Variants in CNTN4 observed in about 807,000 individuals in gnomAD.
CNTN4 encodes contactin-4.
CNTN4 carries 77 observed loss-of-function variants against 122.5 expected under a neutral mutation model. The ratio of observed to expected loss-of-function variants is 0.63; its 90% CI spans 0.52 to 0.76. The LOEUF (loss-of-function observed/expected upper bound fraction) is 0.76, where lower values mean the gene tolerates loss of function less well. CNTN4 is among the 30% of genes least tolerant of loss of function. The probability of loss-of-function intolerance (pLI) is 0.00; values close to 1 mark genes in which losing one functional copy is unlikely to be tolerated. For synonymous variants in CNTN4, 512 were observed against 447.0 expected (o/e 1.15, Z -1.83); for missense variants, 1,256 against 1,259.1 (o/e 1.00, Z 0.04).
chr3:2,815,466 A>T (rs1369441093), intron 6 of CNTN4, among the ~76,000 whole-genome samples: 1 of 152,228 alleles, frequency 6.6e-6, no homozygotes, highest in Non-Finnish European at 1.5e-5. Context: ...GAGGATATGC[A>T]AATAGCCAAA....
intron 4 of CNTN4, among the ~76,000 whole-genome samples, chr3:2,728,304 G>A (rs2088382990): frequency 6.6e-6 from 1 of 152,130 alleles, no homozygotes; most frequent in Admixed American, 6.5e-5. Context: ...CAGTTTTTTA[G>A]CCAAAATGCA....
chr3:2,473,379 A>C (rs1671997374), intron 3 of CNTN4, among the ~76,000 whole-genome samples: 1 of 152,036 alleles, frequency 6.6e-6, no homozygotes, highest in African/African-American at 2.4e-5. Context: ...CTTCTCTACT[A>C]TTCCATACCT....
At position 2,424,372 on chromosome 3, in the gene CNTN4, A is replaced by G. The variant is rs373654295; in HGVS notation, c.-89+85139A>G. ...ACAATGATGGTTTCCAGCTTCATCCATGTTCCTACAAAGGACATGAACTCA... is the reference window on the plus strand; with the variant it reads ...ACAATGATGGTTTCCAGCTTCATCCGTGTTCCTACAAAGGACATGAACTCA... On this transcript the variant is annotated intron_variant, in intron 3 of 24. Transcript: ENST00000418658. Among the ~76,000 whole-genome samples, 7 of 152,058 alleles carry G rather than the reference A, an allele frequency of 4.6e-5. No individual in the cohort carries two copies. The South Asian group carries it at 8.3e-4, about 18-fold the overall frequency.
At chr3:2,976,216 A>C (rs1693400928) in intron 13 of CNTN4, among the ~76,000 whole-genome samples, 1 of 152,206 alleles carries the variant, frequency 6.6e-6, no homozygotes, top group East Asian at 1.9e-4. Flanking sequence ...GATCTTTAAT[A>C]CTCATCCAGC....
intron 4 of CNTN4, among the ~76,000 whole-genome samples, chr3:2,696,033 G>A (rs2086014888): frequency 6.6e-6 from 1 of 152,148 alleles, no homozygotes; most frequent in Admixed American, 6.6e-5. Flanking sequence ...TGCATTATGT[G>A]TATATGTGTG....
chr3:2,330,441 G>C (rs1240090611), intron 2 of CNTN4, among the ~76,000 whole-genome samples: 1 of 152,094 alleles, frequency 6.6e-6, no homozygotes, highest in Non-Finnish European at 1.5e-5. Context: ...AGGAGTCTTG[G>C]GCCACCAGTC....
intron 24 of CNTN4, among the ~76,000 whole-genome samples, chr3:3,054,761 G>C (rs1299537532): frequency 6.6e-6 from 1 of 152,214 alleles, no homozygotes; most frequent in African/African-American, 2.4e-5. Flanking sequence ...TGGAGCTTGA[G>C]AGTGGTGCTG....
At chr3:2,375,972 G>C (rs565916794) in intron 3 of CNTN4, among the ~76,000 whole-genome samples, 14 of 151,858 alleles carry the variant, frequency 9.2e-5, no homozygotes, top group African/African-American at 3.1e-4. Flanking sequence ...CTTAATGGTT[G>C]ATATATTTTT....
chr3:2,992,382 T>A (rs894124772), intron 14 of CNTN4, among the ~76,000 whole-genome samples: 2 of 152,220 alleles, frequency 1.3e-5, no homozygotes, highest in Non-Finnish European at 2.9e-5. Context: ...AACCCTCAAA[T>A]ACTCACAGAA....
chr3:2,496,205 A>G (rs1232027992), intron 3 of CNTN4, among the ~76,000 whole-genome samples: 1 of 152,180 alleles, frequency 6.6e-6, no homozygotes, highest in Non-Finnish European at 1.5e-5. Flanking sequence ...AAATTCTACC[A>G]GTAGGAAAGC....
rs968851659 is a variant in CNTN4 at position 2,247,020 on chromosome 3, C to T, written c.-144-92158C>T. On this transcript the variant is annotated intron_variant, in intron 2 of 24. Coordinates refer to ENST00000418658, the MANE Select transcript of CNTN4 (RefSeq NM_175607.3). ...CTGGAGGAGGTTGGTTAAGTACAAG[C>T]ATAGAATGGGAAATGAATGTGAATG... 4.6e-5 allele frequency among the ~76,000 whole-genome samples: 7 copies of T among 151,956 alleles called. No homozygotes were observed. In the South Asian group the frequency reaches 1.2e-3, roughly 27 times the overall value.
chr3:2,604,750 G>C (rs1017903615), intron 4 of CNTN4, among the ~76,000 whole-genome samples: 6 of 152,064 alleles, frequency 3.9e-5, no homozygotes, highest in Admixed American at 3.9e-4. Flanking sequence ...CTAGAGATAA[G>C]AATACACCCA....
At chr3:2,198,982 C>G (rs562210424) in intron 2 of CNTN4, among the ~76,000 whole-genome samples, 78 of 152,314 alleles carry the variant, frequency 5.1e-4, no homozygotes, top group African/African-American at 1.7e-3. Context: ...GAAGCCGAAT[C>G]ATCGTTTCAC....
chr3:2,443,869 G>A (rs1486896797), intron 3 of CNTN4, among the ~76,000 whole-genome samples: 1 of 152,084 alleles, frequency 6.6e-6, no homozygotes. Context: ...CTGATTTTGT[G>A]TATAAATGGA....
At chr3:2,289,746 G>A (rs1169331802) in intron 2 of CNTN4, among the ~76,000 whole-genome samples, 1 of 152,078 alleles carries the variant, frequency 6.6e-6, no homozygotes, top group African/African-American at 2.4e-5. Flanking sequence ...CAATTTAGAG[G>A]CTTCTTGCAA....
At chr3:2,977,603 G>A (rs1001823822) in intron 13 of CNTN4, among the ~76,000 whole-genome samples, 2 of 152,122 alleles carry the variant, frequency 1.3e-5, no homozygotes, top group Non-Finnish European at 2.9e-5. Context: ...AGGCTGAGCA[G>A]TGGGCATGGG....
chr3:2,867,454 A>G (rs938843587), intron 8 of CNTN4, among the ~76,000 whole-genome samples: 1 of 152,216 alleles, frequency 6.6e-6, no homozygotes, highest in Non-Finnish European at 1.5e-5. Context: ...TCAAGAAAAT[A>G]TATGAAATTC....
chr3:2,409,984 A>G (rs1049297453), intron 3 of CNTN4, among the ~76,000 whole-genome samples: 22 of 152,186 alleles, frequency 1.4e-4, no homozygotes, highest in African/African-American at 5.3e-4. Flanking sequence ...CTGGGTCATT[A>G]TAAAAATTTC....
chr3:2,928,476 A>G (rs2094493062), intron 13 of CNTN4, among the ~76,000 whole-genome samples: 1 of 152,202 alleles, frequency 6.6e-6, no homozygotes, highest in African/African-American at 2.4e-5. Flanking sequence ...CTATTTTGGG[A>G]AAGGATTGAC....
Sources: gnomAD v4.1 joint callset for allele counts (sites outside exome capture counted in the v4.1 genomes callset) on GRCh38, gnomAD v4.1.1 for gene constraint, MANE v1.5 for transcripts, NCBI Gene and HGNC (gene_info 2026-07-23, HGNC 2026-07-21) for gene names.